The following DACH2 variants were observed in gnomAD, a reference collection of about 807,000 sequenced individuals.
The protein encoded by DACH2 is dachshund family transcription factor 2.
Under a neutral mutation model 35.8 loss-of-function variants are expected in DACH2, and 17 were observed. That is an observed-to-expected ratio of 0.48 (90% CI 0.33 to 0.71). DACH2 has a LOEUF of 0.71. Ranked by LOEUF, DACH2 falls within the 30% of genes least tolerant of loss-of-function variation. DACH2 has a pLI of 0.02. For missense variants in DACH2, 469 were observed against 472.7 expected (o/e 0.99, Z 0.07); for synonymous variants, 195 against 177.3 (o/e 1.10, Z -0.79).
chrX:86,675,424 C>T (rs2040814702), intron 4 of DACH2, among the ~76,000 whole-genome samples: 1 of 112,059 alleles, frequency 8.9e-6, no homozygotes, highest in Non-Finnish European at 1.9e-5. Flanking sequence ...GTGGCTCACA[C>T]CTGTAATCCT....
At chrX:86,749,229 G>T (rs2041746110) in intron 7 of DACH2, among the ~76,000 whole-genome samples, 1 of 111,968 alleles carries the variant, frequency 8.9e-6, no homozygotes, top group South Asian at 3.7e-4. Flanking sequence ...CACTCTTAAT[G>T]TCCTTCAAGA....
At chrX:86,286,159 C>A (rs1252372393) in intron 1 of DACH2, among the ~76,000 whole-genome samples, 1 of 63,999 alleles carries the variant, frequency 1.6e-5, no homozygotes, top group Non-Finnish European at 2.6e-5. Context: ...CTCGCTCTGT[C>A]GCCCAGGCCG....
intron 2 of DACH2, among the ~76,000 whole-genome samples, chrX:86,457,968 C>T (rs2037505230): frequency 1.8e-5 from 2 of 111,917 alleles, no homozygotes; most frequent in Non-Finnish European, 3.8e-5. Context: ...ATATTTACGT[C>T]ACATGAATGA....
intron 3 of DACH2, among the ~76,000 whole-genome samples, chrX:86,595,648 CTA>C (rs1212925335): frequency 9.1e-6 from 1 of 110,146 alleles, no homozygotes; most frequent in Non-Finnish European, 1.9e-5. Context: ...ATGTTTGTAA[CTA>C]TTTTTATTCA....
intron 7 of DACH2, among the ~76,000 whole-genome samples, chrX:86,794,422 G>A (rs754321047): frequency 7.2e-5 from 8 of 110,572 alleles, no homozygotes; most frequent in Admixed American, 4.8e-4. Context: ...TATCTGTGGG[G>A]ATACTACCAC....
At chrX:86,542,133 C>A (rs917861189) in intron 3 of DACH2, among the ~76,000 whole-genome samples, 34 of 111,202 alleles carry the variant, frequency 3.1e-4, no homozygotes, top group African/African-American at 1.0e-3. Context: ...TTATCCATTT[C>A]TCTGCGTGTT....
intron 2 of DACH2, among the ~76,000 whole-genome samples, chrX:86,422,063 T>C (rs995485955): frequency 1.8e-5 from 2 of 110,904 alleles, no homozygotes; most frequent in Admixed American, 9.6e-5. Context: ...TCAGTGAAAA[T>C]TGAGGGAAAA....
At chrX:86,376,364 G>A (rs1320802536) in intron 1 of DACH2, among the ~76,000 whole-genome samples, 2 of 109,941 alleles carry the variant, frequency 1.8e-5, no homozygotes, top group African/African-American at 3.3e-5. Flanking sequence ...ATTAGAAAGG[G>A]ATTTTTCCCT....
At chrX:86,622,788 A>G (rs746194106) in intron 3 of DACH2, among the ~76,000 whole-genome samples, 2 of 111,818 alleles carry the variant, frequency 1.8e-5, no homozygotes, top group Non-Finnish European at 3.8e-5. Flanking sequence ...AGAAAGGATC[A>G]TGCATTTTTC....
At chrX:86,217,437 C>T (rs2032603209) in intron 1 of DACH2, among the ~76,000 whole-genome samples, 1 of 111,438 alleles carries the variant, frequency 9.0e-6, no homozygotes, top group African/African-American at 3.3e-5. Context: ...AATAAGCATG[C>T]TGTAAATTTA....
At chrX:86,194,394 C>G (rs752237655) in intron 1 of DACH2, among the ~76,000 whole-genome samples, 368 of 111,559 alleles carry the variant, frequency 3.3e-3, no homozygotes, top group Middle Eastern at 9.3e-3. Context: ...CCAGTTGAAA[C>G]AGCTGCCACC....
intron 7 of DACH2, among the ~76,000 whole-genome samples, chrX:86,789,828 C>T (rs188301835): frequency 9.0e-6 from 1 of 111,393 alleles, no homozygotes; most frequent in Admixed American, 9.6e-5. Context: ...AATATGATGC[C>T]AAAAGGACTC....
intron 3 of DACH2, among the ~76,000 whole-genome samples, chrX:86,648,296 C>T (rs188903396): frequency 5.5e-4 from 61 of 110,684 alleles, no homozygotes; most frequent in African/African-American, 1.6e-3. Context: ...TCTAGTTGTC[C>T]GGTGCAAGTT....
intron 2 of DACH2, among the ~76,000 whole-genome samples, chrX:86,445,319 G>T (rs1404992092): frequency 2.5e-5 from 2 of 81,337 alleles, no homozygotes; most frequent in Non-Finnish European, 4.6e-5. Context: ...GAGATCACAT[G>T]GACACAGGAA....
chrX:86,420,912 C>A (rs1390411203), intron 2 of DACH2, among the ~76,000 whole-genome samples: 1 of 110,786 alleles, frequency 9.0e-6, no homozygotes, highest in African/African-American at 3.3e-5. Flanking sequence ...AGATTGTACC[C>A]TTAAATGGTT....
intron 2 of DACH2, among the ~76,000 whole-genome samples, chrX:86,464,912 C>T (rs1287717419): frequency 2.7e-5 from 3 of 111,115 alleles, no homozygotes; most frequent in African/African-American, 9.8e-5. Flanking sequence ...TTCCTAAGTA[C>T]CAATTTTGTA....
intron 3 of DACH2, among the ~76,000 whole-genome samples, chrX:86,522,268 G>A (rs749496159): frequency 2.7e-5 from 3 of 111,287 alleles, no homozygotes; most frequent in East Asian, 2.8e-4. Flanking sequence ...GTGAATATGT[G>A]CACAAATGTA....
intron 1 of DACH2, among the ~76,000 whole-genome samples, chrX:86,288,086 G>A (rs957313579): frequency 8.9e-6 from 1 of 112,288 alleles, no homozygotes; most frequent in Non-Finnish European, 1.9e-5. Flanking sequence ...TAAGCTGTAT[G>A]TGCTTTAGGG....
At chrX:86,234,947 A>G (rs7061399) in intron 1 of DACH2, among the ~76,000 whole-genome samples, 155 of 111,573 alleles carry the variant, frequency 1.4e-3, no homozygotes, top group Admixed American at 2.9e-3. Context: ...TAAAGTTTAT[A>G]CTTTATTCAG....
Sources: allele counts gnomAD v4.1 joint callset (sites outside exome capture counted in the v4.1 genomes callset), GRCh38; gene constraint gnomAD v4.1.1; transcripts MANE v1.5; gene names NCBI Gene and HGNC (gene_info 2026-07-23, HGNC 2026-07-21).